ZNF107: variants seen among roughly 807,000 people sequenced by gnomAD.
The protein encoded by ZNF107 is C2H2 type zinc-finger protein.
In ZNF107, 19 loss-of-function variants were observed where a neutral mutation model predicts 12.3. That is an observed-to-expected ratio of 1.55 (90% confidence interval 1.08 to 2.27). ZNF107 has a LOEUF of 2.27. Among genes scored for constraint, ZNF107 ranks in the 30% most tolerant of loss-of-function variants. ZNF107 has a pLI of 0.00. For missense variants in ZNF107, 958 were observed against 979.9 expected (o/e 0.98, Z 0.30); for synonymous variants, 317 against 330.5 (o/e 0.96, Z 0.44).
intron 1 of ZNF107, among the ~76,000 whole-genome samples, chr7:64,676,078 C>T (rs1789406107): frequency 6.6e-6 from 1 of 152,340 alleles, no homozygotes; most frequent in East Asian, 1.9e-4. Flanking sequence ...TCTCAAACTC[C>T]TGACCTCAAG....
chr7:64,699,575 A>G (rs1790399958), intron 3 of ZNF107, among the ~76,000 whole-genome samples: 2 of 152,102 alleles, frequency 1.3e-5, no homozygotes, highest in Admixed American at 6.5e-5. Context: ...CAGACATACT[A>G]TGGGACCACC....
At chr7:64,687,285 G>C in intron 1 of ZNF107, 1 of 985,736 alleles carries the variant, frequency 1.0e-6, no homozygotes, top group Non-Finnish European at 1.2e-6. Flanking sequence ...CCAGCAGAGT[G>C]ATTTCCATGT....
chr7:64,672,599 C>T (rs1789274297), intron 1 of ZNF107, among the ~76,000 whole-genome samples: 2 of 152,126 alleles, frequency 1.3e-5, no homozygotes. Context: ...TTGAGTTCCG[C>T]AAATCTGCAT....
At position 64,707,543 on chromosome 7, in the gene ZNF107, A is replaced by G; in HGVS notation, c.1446A>G (p.Lys482=). 6.2e-7 allele frequency: 1 copy of G among 1,613,216 alleles called. No homozygotes were observed. The highest frequency in any genetic ancestry group is 8.5e-7 in the Non-Finnish European group (1 of 1,179,578). The change falls in exon 4 of 4, where the codon AAA becomes AAG. Residue 482 remains lysine, a synonymous_variant. Coordinates refer to ENST00000620827, the MANE Select transcript of ZNF107 (RefSeq NM_001282359.2). The part of the protein sequence containing the change: ...RKIYSGEKPY[K]CEECGKAFNR... ...TTTATTCTGGAGAGAAACCATACAA[A>G]TGTGAAGAATGTGGAAAAGCTTTTA...
intron 1 of ZNF107, chr7:64,679,346 C>T: frequency 1.0e-6 from 1 of 985,248 alleles, no homozygotes; most frequent in South Asian, 4.7e-5. Flanking sequence ...GGTAAGAGAC[C>T]TCCATCCTTT....
At chr7:64,687,283 G>A (rs1789955201) in intron 1 of ZNF107, 1 of 985,792 alleles carries the variant, frequency 1.0e-6, no homozygotes, top group South Asian at 4.7e-5. Context: ...ATCCAGCAGA[G>A]TGATTTCCAT....
chr7:64,709,778 A>C lies in ZNF107; in HGVS notation c.*1122A>C, dbSNP rs1039892840. On this transcript the variant is annotated 3_prime_UTR_variant, in exon 4 of 4. Transcript: ENST00000620827. ...TAGAGAGTTAGTACGTAATAAAAGC[A>C]TTATAAATGCAATTTTTGTCAAGAG... The C allele has an allele frequency of 2.2e-6, 1 of 449,514 alleles. No individual in the cohort carries two copies. Among genetic ancestry groups the C allele is most frequent in the Non-Finnish European group, 4.4e-6 (1 of 225,442 alleles). 27.8% of individuals were successfully genotyped at this position (449,514 alleles called of 1,614,324 possible).
intron 1 of ZNF107, chr7:64,690,192 C>T (rs1007159275): frequency 4.2e-6 from 1 of 236,142 alleles, no homozygotes; most frequent in Admixed American, 6.5e-5. Context: ...TTTATGACCA[C>T]AAGAGTTTTA....
chr7:64,679,155 T>C, intron 1 of ZNF107: 3 of 984,172 alleles, frequency 3.0e-6, no homozygotes, highest in Non-Finnish European at 3.6e-6. Flanking sequence ...CGAAGCCTGC[T>C]TGGGTTTTCT....
At chr7:64,687,592 T>G (rs74949073) in intron 1 of ZNF107, 7 of 982,794 alleles carry the variant, frequency 7.1e-6, no homozygotes, top group Non-Finnish European at 8.5e-6. Flanking sequence ...CCTTTTGTCA[T>G]GAAGATGTGA....
At chr7:64,667,194 T>A (rs1254883857) in intron 1 of ZNF107, among the ~76,000 whole-genome samples, 1 of 152,214 alleles carries the variant, frequency 6.6e-6, no homozygotes, top group East Asian at 1.9e-4. Context: ...TTAGCCTAAC[T>A]GACTTTCAGT....
chr7:64,686,862 T>C (rs539916660), intron 1 of ZNF107: 4 of 982,068 alleles, frequency 4.1e-6, no homozygotes, highest in African/African-American at 3.5e-5. Context: ...AACACCCAAG[T>C]GAATAAACGG....
intron 1 of ZNF107, among the ~76,000 whole-genome samples, chr7:64,679,675 G>A (rs948214406): frequency 1.3e-5 from 2 of 152,002 alleles, no homozygotes; most frequent in Non-Finnish European, 2.9e-5. Flanking sequence ...ATCTAAAACC[G>A]CTCCGTCTTT....
rs922394537 is a variant in ZNF107 at position 64,709,232 on chromosome 7, G to C, written c.*576G>C. 3 of 390,348 alleles carry C rather than the reference G, an allele frequency of 7.7e-6. No individual in the cohort carries two copies. Among genetic ancestry groups the C allele is most frequent in the Admixed American group, 6.8e-5 (2 of 29,342 alleles). 24.2% of individuals were successfully genotyped at this position (390,348 alleles called of 1,614,324 possible). ...CTACAAATGTGAAGTCTGTGGCAAA[G>C]CTTTTAACTGATTCTCAACTCTTAC... On this transcript the variant is annotated 3_prime_UTR_variant, in exon 4 of 4. Coordinates refer to ENST00000620827, the MANE Select transcript of ZNF107 (RefSeq NM_001282359.2).
chr7:64,706,587 A>G lies in ZNF107; in HGVS notation c.490A>G (p.Lys164Glu). Reference protein sequence around the residue: ...FDKFSNSNRYKRRHTGNKHFK... With the variant: ...FDKFSNSNRYERRHTGNKHFK... ...TAAATTTTCAAATTCAAATAGATATAAGAGAAGACATACAGGAAACAAACA... is the reference window on the plus strand; with the variant it reads ...TAAATTTTCAAATTCAAATAGATATGAGAGAAGACATACAGGAAACAAACA... Residue 164 changes from lysine (K) to glutamate (E), a missense_variant, in exon 4 of 4, where the codon AAG (lysine) becomes GAG (glutamate). Transcript: ENST00000620827. 6.2e-7 allele frequency: 1 copy of G among 1,611,460 alleles called. No homozygotes were observed. The highest frequency in any genetic ancestry group is 8.5e-7 in the Non-Finnish European group (1 of 1,179,150).
rs1790862985 is a variant in ZNF107, at chr7:64,710,809, A to G, written c.*2153A>G. On this transcript the variant is annotated 3_prime_UTR_variant, in exon 4 of 4. Coordinates refer to ENST00000620827, the MANE Select transcript of ZNF107 (RefSeq NM_001282359.2). ...ACACTTTCTATGAAAGAATAAGGAC[A>G]TTAAAATGTAAGATGCATGATGAAA... 6.6e-6 allele frequency: 1 copy of G among 152,174 alleles called. No individual in the cohort carries two copies. Among genetic ancestry groups the G allele is most frequent in the Non-Finnish European group, 1.5e-5 (1 of 68,010 alleles). The allele number at this position is 152,174 out of a possible 1,614,324, so 9.4% of individuals were successfully genotyped here.
chr7:64,684,844 C>T (rs1288375347), intron 1 of ZNF107: 1 of 502,126 alleles, frequency 2.0e-6, no homozygotes, highest in African/African-American at 2.1e-5. Flanking sequence ...CATGGCCGCA[C>T]TCCCACTTCC....
chr7:64,676,754 TAA>T (rs1399629963), intron 1 of ZNF107, among the ~76,000 whole-genome samples: 1 of 152,200 alleles, frequency 6.6e-6, no homozygotes, highest in Non-Finnish European at 1.5e-5. Context: ...GTGTTTCTGT[TAA>T]AATTTTATCA....
chr7:64,708,560 T>C lies in ZNF107; in HGVS notation c.2463T>C (p.Asp821=), dbSNP rs775389092. The part of the protein sequence containing the change: ...HTGEKPYKCG[D]YGRAFNLSSN... The stretch of plus-strand genomic sequence containing the variant: ...GAGAGAAACCCTACAAATGTGGAGA[T>C]TATGGCAGAGCTTTCAACCTATCCT... The change falls in exon 4 of 4, where the codon GAT becomes GAC. Residue 821 remains aspartate (D), a synonymous_variant. Coordinates refer to ENST00000620827, the MANE Select transcript of ZNF107 (RefSeq NM_001282359.2). 6 of 1,608,438 alleles carry C rather than the reference T, an allele frequency of 3.7e-6. No homozygotes were observed. Among genetic ancestry groups the C allele is most frequent in the Middle Eastern group, 3.3e-4 (2 of 6,028 alleles).
Sources: gnomAD v4.1 joint callset for allele counts (sites outside exome capture counted in the v4.1 genomes callset) on GRCh38, gnomAD v4.1.1 for gene constraint, MANE v1.5 for transcripts, NCBI Gene and HGNC (gene_info 2026-07-23, HGNC 2026-07-21) for gene names.